Variants in LARGE1 observed in about 807,000 individuals in gnomAD.
LARGE1 encodes the protein LARGE xylosyl- and glucuronyltransferase 1.
In LARGE1, 43 loss-of-function variants were observed where a neutral mutation model predicts 87.6. The ratio of observed to expected loss-of-function variants is 0.49; its 90% CI spans 0.38 to 0.63. The LOEUF (loss-of-function observed/expected upper bound fraction) is 0.63, where lower values mean the gene tolerates loss of function less well. LARGE1 is among the 30% of genes least tolerant of loss of function. The probability of loss-of-function intolerance (pLI) is 0.00; values close to 1 mark genes in which losing one functional copy is unlikely to be tolerated. For synonymous variants in LARGE1, 434 were observed against 394.6 expected, an observed-to-expected ratio of 1.10 and a Z score of -1.18; for missense variants, 802 against 1,000.2, an observed-to-expected ratio of 0.80 and a Z score of 2.67.
chr22:33,353,153 A>G (rs537511985), intron 9 of LARGE1, among the ~76,000 whole-genome samples: 1 of 152,370 alleles, frequency 6.6e-6, no homozygotes, highest in South Asian at 2.1e-4. Flanking sequence ...ATGCCTTGAT[A>G]TATTACTTAA....
intron 11 of LARGE1, among the ~76,000 whole-genome samples, chr22:33,222,605 C>T (rs1030801705): frequency 2.0e-5 from 3 of 152,108 alleles, no homozygotes; most frequent in African/African-American, 7.2e-5. Flanking sequence ...GAGACTCACA[C>T]ACAGGAGGAG....
At chr22:33,196,289 TATAAC>T (rs1924077320) in intron 11 of LARGE1, among the ~76,000 whole-genome samples, 1 of 152,030 alleles carries the variant, frequency 6.6e-6, no homozygotes, top group South Asian at 2.1e-4. Flanking sequence ...AAAGAGTACA[TATAAC>T]ATATAGGAAA....
At chr22:33,549,797 C>G (rs1402810903) in intron 6 of LARGE1, among the ~76,000 whole-genome samples, 2 of 152,132 alleles carry the variant, frequency 1.3e-5, no homozygotes, top group African/African-American at 4.8e-5. Flanking sequence ...TCCAAGTGTT[C>G]TCATTGTTTA....
At chr22:33,559,440 C>T (rs759445361) in intron 6 of LARGE1, among the ~76,000 whole-genome samples, 34 of 152,224 alleles carry the variant, frequency 2.2e-4, no homozygotes, top group Middle Eastern at 3.2e-3. Flanking sequence ...CCTCGGCCTC[C>T]CAAAGTGCTG....
chr22:33,253,878 T>C (rs1927126768), intron 11 of LARGE1, among the ~76,000 whole-genome samples: 1 of 149,638 alleles, frequency 6.7e-6, no homozygotes, highest in Non-Finnish European at 1.5e-5. Context: ...CACTGGTAGC[T>C]CCTTCCCAAT....
intron 7 of LARGE1, among the ~76,000 whole-genome samples, chr22:33,396,003 T>G (rs190054010): frequency 2.6e-5 from 4 of 152,362 alleles, no homozygotes; most frequent in Non-Finnish European, 4.4e-5. Context: ...TCCCTTCAGT[T>G]TGAGTCCTCA....
chr22:33,333,012 C>CTTTTTTTTTTTTTT, intron 10 of LARGE1, among the ~76,000 whole-genome samples: 1 of 136,250 alleles, frequency 7.3e-6, no homozygotes, highest in African/African-American at 3.6e-5. Flanking sequence ...GGGGCAATGT[C>CTTTTTTTTTTTTTT]CTTTTTTTTT....
the LARGE1 span, among the ~76,000 whole-genome samples, chr22:33,148,395 G>A: frequency 3.3e-5 from 5 of 152,156 alleles, no homozygotes; most frequent in African/African-American, 1.2e-4. Context: ...TCCAAGTTGT[G>A]TTCATCAATA....
chr22:33,594,239 A>T lies in LARGE1; in HGVS notation c.615+10196T>A, dbSNP rs1288116284. The stretch of plus-strand genomic sequence containing the variant: ...TTTTGGTGCTTGACAATTTTCCTTG[A>T]GTTTCATCATCCTAGGGATGAAGCA... On this transcript the variant is annotated intron_variant, in intron 5 of 14. Transcript: ENST00000397394. Among the ~76,000 whole-genome samples the T allele has an allele frequency of 3.9e-5, 6 of 152,150 alleles. No individual in the cohort carries two copies. In the South Asian group the frequency reaches 1.2e-3, roughly 32 times the overall value.
At chr22:33,145,976 C>T in the LARGE1 span, among the ~76,000 whole-genome samples, 1 of 152,112 alleles carries the variant, frequency 6.6e-6, no homozygotes, top group Non-Finnish European at 1.5e-5. Context: ...GAGGAAGCTA[C>T]CCAGCCAGTT....
intron 1 of LARGE1, among the ~76,000 whole-genome samples, chr22:33,809,519 T>C (rs960314537): frequency 6.6e-6 from 1 of 152,194 alleles, no homozygotes; most frequent in African/African-American, 2.4e-5. Context: ...GATGGATGAA[T>C]AGTCTGAATT....
the LARGE1 span, among the ~76,000 whole-genome samples, chr22:33,122,417 G>A: frequency 2.0e-5 from 3 of 146,822 alleles, no homozygotes; most frequent in Non-Finnish European, 4.5e-5. Context: ...GGAGTGCAAT[G>A]GCGCTATCTC....
chr22:33,566,157 A>C (rs1041364339), intron 5 of LARGE1, among the ~76,000 whole-genome samples: 1 of 152,194 alleles, frequency 6.6e-6, no homozygotes, highest in South Asian at 2.1e-4. Flanking sequence ...TAGACACCAA[A>C]GTTTTATTCC....
chr22:33,079,648 G>A, the LARGE1 span, among the ~76,000 whole-genome samples: 10 of 152,156 alleles, frequency 6.6e-5, no homozygotes, highest in African/African-American at 2.4e-4. Context: ...GTTTTCAAGT[G>A]TCTCTAAGCT....
chr22:33,170,779 C>T (rs1369014855), intron 11 of LARGE1, among the ~76,000 whole-genome samples: 2 of 152,142 alleles, frequency 1.3e-5, no homozygotes, highest in African/African-American at 4.8e-5. Flanking sequence ...TGGACTAATA[C>T]AGAGAATTGG....
At chr22:33,357,096 C>G (rs1375546319) in intron 9 of LARGE1, among the ~76,000 whole-genome samples, 3 of 152,100 alleles carry the variant, frequency 2.0e-5, no homozygotes, top group Non-Finnish European at 4.4e-5. Context: ...TTCACAATAG[C>G]AAAGATACAG....
At chr22:33,472,897 A>C (rs566991825) in intron 6 of LARGE1, among the ~76,000 whole-genome samples, 2 of 152,324 alleles carry the variant, frequency 1.3e-5, no homozygotes, top group South Asian at 4.1e-4. Flanking sequence ...CAAACGATGC[A>C]CCTGTATCTT....
chr22:33,796,706 C>T (rs1274058041), intron 1 of LARGE1, among the ~76,000 whole-genome samples: 1 of 150,390 alleles, frequency 6.6e-6, no homozygotes, highest in Admixed American at 6.6e-5. Flanking sequence ...TGCAAAGAAA[C>T]AGAGCCAGGT....
chr22:33,654,274 G>A (rs1431709762), intron 2 of LARGE1, among the ~76,000 whole-genome samples: 1 of 152,116 alleles, frequency 6.6e-6, no homozygotes, highest in Non-Finnish European at 1.5e-5. Context: ...TCAATTAATG[G>A]CAGAATTGTC....
Sources: gnomAD v4.1 joint callset for allele counts (sites outside exome capture counted in the v4.1 genomes callset) on GRCh38, gnomAD v4.1.1 for gene constraint, MANE v1.5 for transcripts, NCBI Gene and HGNC (gene_info 2026-07-23, HGNC 2026-07-21) for gene names.